TMEM107: variants seen among roughly 807,000 people sequenced by gnomAD.
TMEM107 encodes transmembrane protein 107.
Under a neutral mutation model 16.8 loss-of-function variants are expected in TMEM107, and 18 were observed. That is an observed-to-expected ratio of 1.07 (90% CI 0.74 to 1.59). The LOEUF (loss-of-function observed/expected upper bound fraction) is 1.59, where lower values mean the gene tolerates loss of function less well. TMEM107 is among the 40% of genes most tolerant of loss of function. The pLI, the probability that TMEM107 is intolerant of heterozygous loss-of-function variation, is 0.00. For missense variants in TMEM107, 152 were observed against 175.4 expected (o/e 0.87, Z 0.75); for synonymous variants, 68 against 71.6 (o/e 0.95, Z 0.25).
chr17:8,173,360 C>A lies in TMEM107; in HGVS notation c.*843G>T, dbSNP rs543161631. The A allele has an allele frequency of 3.3e-6, 2 of 614,800 alleles. No individual in the cohort carries two copies. Among genetic ancestry groups the A allele is most frequent in the South Asian group, 2.0e-5 (1 of 50,074 alleles). The allele number at this position is 614,800 out of a possible 1,614,324, so 38.1% of individuals were successfully genotyped here. A position where few individuals can be genotyped will look rare whatever the true frequency, so the allele number is the denominator to read the frequency against. ...AGCAATAGCAAGACTGCAAAATAGA[C>A]AAACAGCAAGGTTATCCCAGTCAGA... is the stretch of plus-strand genomic sequence containing the variant. On this transcript the variant is annotated 3_prime_UTR_variant, in exon 5 of 5. Transcript: ENST00000437139.
rs138702340 is a variant in TMEM107 at position 8,173,437 on chromosome 17, A to C, written c.*766T>G. 7 of 760,296 alleles carry C rather than the reference A, an allele frequency of 9.2e-6. No individual in the cohort carries two copies. In the African/African-American group the frequency reaches 1.0e-4, roughly 11 times the overall value. 47.1% of individuals were successfully genotyped at this position (760,296 alleles called of 1,614,324 possible). A position where few individuals can be genotyped will look rare whatever the true frequency, so the allele number is the denominator to read the frequency against. On this transcript the variant is annotated 3_prime_UTR_variant, in exon 5 of 5. Transcript: ENST00000437139. ...TGCTAATCAGCATAACACAAATGTA[A>C]GTGATCGTCAGAAAGAATCAGACAG...
At position 8,173,854 on chromosome 17, in the gene TMEM107, T is replaced by C. The variant is rs901043293; in HGVS notation, c.*349A>G. 4 of 487,236 alleles carry C rather than the reference T, an allele frequency of 8.2e-6. No individual in the cohort carries two copies. Among genetic ancestry groups the C allele is most frequent in the African/African-American group, 3.9e-5 (2 of 51,180 alleles). The allele number at this position is 487,236 out of a possible 1,614,324, so 30.2% of individuals were successfully genotyped here. ...TATTTACATATCTCCGCCCACTCCC[T>C]TCCGCCAGGCACCTACCGTAGTAAC... On this transcript the variant is annotated 3_prime_UTR_variant, in exon 5 of 5. Transcript: ENST00000437139.
rs561085214 is a variant in TMEM107 at position 8,174,943 on chromosome 17, C to A, written c.257-327G>T. On this transcript the variant is annotated intron_variant, in intron 3 of 4. Transcript: ENST00000437139. ...ACAGCGACTTAATATGCGCTGGAAT[C>A]AGCCTCCAGTGTCCTGGTCCTCCTG... is the stretch of plus-strand genomic sequence containing the variant. The A allele has an allele frequency of 6.7e-5, 20 of 297,266 alleles. No homozygotes were observed. The South Asian group carries it at 8.3e-4, about 12-fold the overall frequency. The allele number at this position is 297,266 out of a possible 1,614,324, so 18.4% of individuals were successfully genotyped here.
chr17:8,175,485 T>C (rs553670158), intron 3 of TMEM107: 4 of 606,588 alleles, frequency 6.6e-6, no homozygotes, highest in East Asian at 2.7e-5. Flanking sequence ...ATTCCTATTA[T>C]TTTTGTAGAC....
Position 8,173,414 on chromosome 17 carries a change from C to G in TMEM107, c.*789G>C, listed in dbSNP as rs184947265. The G allele has an allele frequency of 7.1e-4, 525 of 743,816 alleles. 2 individuals are homozygous for G. The highest frequency in any genetic ancestry group is 5.8e-3 in the African/African-American group (343 of 58,708). 46.1% of individuals were successfully genotyped at this position (743,816 alleles called of 1,614,324 possible). On this transcript the variant is annotated 3_prime_UTR_variant, in exon 5 of 5. Transcript: ENST00000437139. Reference sequence around the variant, plus strand: ...TCATAGCTATGTTTGTGGATATCTGCTAATCAGCATAACACAAATGTAAGT... The same window carrying G: ...TCATAGCTATGTTTGTGGATATCTGGTAATCAGCATAACACAAATGTAAGT...
chr17:8,174,843 C>T, intron 3 of TMEM107: 1 of 546,034 alleles, frequency 1.8e-6, no homozygotes, highest in Non-Finnish European at 3.3e-6. Flanking sequence ...TACCCCTTAT[C>T]TGTGGGCCAG....
In TMEM107 at chr17:8,173,591, A is replaced by T; in HGVS notation, c.*612T>A. On this transcript the variant is annotated 3_prime_UTR_variant, in exon 5 of 5. Transcript: ENST00000437139. ...TAAGGATTATCCCACCTGACGATAC[A>T]GACAAACAGCCGACATTCTGCACTC... 2.6e-6 allele frequency: 2 copies of T among 763,678 alleles called. No individual in the cohort carries two copies. The highest frequency in any genetic ancestry group is 4.8e-6 in the Non-Finnish European group (2 of 416,892). 47.3% of individuals were successfully genotyped at this position (763,678 alleles called of 1,614,324 possible).
chr17:8,174,428 CA>C (rs1983959881), intron 4 of TMEM107, 91 bp downstream of exon 4: 1 of 1,389,672 alleles, frequency 7.2e-7, no homozygotes, highest in Admixed American at 1.7e-5. Flanking sequence ...TCTGGTATCT[CA>C]CACATGGAGG....
In TMEM107 at chr17:8,174,692, C is replaced by T. The variant is rs187008610; in HGVS notation, c.257-76G>A. The T allele has an allele frequency of 1.7e-3, 2,136 of 1,273,678 alleles. 4 individuals carry two copies. Among genetic ancestry groups the T allele is most frequent in the Non-Finnish European group, 2.2e-3 (1,952 of 875,352 alleles). 78.9% of individuals were successfully genotyped at this position (1,273,678 alleles called of 1,614,324 possible). The stretch of plus-strand genomic sequence containing the variant: ...GGGTCAGAAAAGGCCAGTGGTGGGG[C>T]TGGCATCTGCATTCAGGTTCATCCC... On this transcript the variant is annotated intron_variant, in intron 3 of 4. Transcript: ENST00000437139.
rs1176026653 is a variant in TMEM107 at position 8,176,280 on chromosome 17, G to T, written c.7C>A (p.Arg3=). 3 of 1,613,592 alleles carry T rather than the reference G, an allele frequency of 1.9e-6. No homozygotes were observed. The highest frequency in any genetic ancestry group is 1.7e-5 in the Admixed American group (1 of 59,970). Residue 3 remains arginine (R), a synonymous_variant, in exon 1 of 5, where the codon CGG becomes AGG. Transcript: ENST00000437139. The part of the protein sequence containing the change: MG[R]VSGLVPSRFL... ...CGAGAGGGCACAAGCCCTGAGACCC[G>T]GCCCATGGCCCTCGGGGACAAGGGC... is the stretch of plus-strand genomic sequence containing the variant.
rs139357518 is a variant in TMEM107, at chr17:8,173,518, G to C, written c.*685C>G. 7 of 765,268 alleles carry C rather than the reference G, an allele frequency of 9.1e-6. No individual in the cohort carries two copies. The highest frequency in any genetic ancestry group is 1.4e-5 in the Non-Finnish European group (6 of 418,036). 47.4% of individuals were successfully genotyped at this position (765,268 alleles called of 1,614,324 possible). The stretch of plus-strand genomic sequence containing the variant: ...CGCAGAGACGTTAATCACGTTTCAT[G>C]CATCTCCAATCATCATGTTCTAATC... On this transcript the variant is annotated 3_prime_UTR_variant, in exon 5 of 5. Coordinates refer to ENST00000437139, the MANE Select transcript of TMEM107 (RefSeq NM_183065.4).
chr17:8,173,700 G>GT lies in TMEM107; in HGVS notation c.*502dup, dbSNP rs1311034928. On this transcript the variant is annotated 3_prime_UTR_variant, in exon 5 of 5. Coordinates refer to ENST00000437139, the MANE Select transcript of TMEM107 (RefSeq NM_183065.4). ...CCTATTATTTAGCGTCCTTCCAGTT[G>GT]TTTTGCCATATTAGCTCGCACATTT... is the stretch of plus-strand genomic sequence containing the variant. The GT allele has an allele frequency of 1.6e-6, 1 of 608,350 alleles. No homozygotes were observed. Among genetic ancestry groups the GT allele is most frequent in the East Asian group, 2.7e-5 (1 of 37,042 alleles). 37.7% of individuals were successfully genotyped at this position (608,350 alleles called of 1,614,324 possible).
rs559661204 is a variant in TMEM107, at chr17:8,173,311, A to G, written c.*892T>C. On this transcript the variant is annotated 3_prime_UTR_variant, in exon 5 of 5. Coordinates refer to ENST00000437139, the MANE Select transcript of TMEM107 (RefSeq NM_183065.4). The stretch of plus-strand genomic sequence containing the variant: ...ACAATTTTCAAGAACAAACAAATTT[A>G]GCAAGACTGCAAAATAGACAAACAG... 6 of 539,328 alleles carry G rather than the reference A, an allele frequency of 1.1e-5. No homozygotes were observed. Among genetic ancestry groups the G allele is most frequent in the Admixed American group, 3.0e-5 (1 of 33,782 alleles). The allele number at this position is 539,328 out of a possible 1,614,324, so 33.4% of individuals were successfully genotyped here. A position where few individuals can be genotyped will look rare whatever the true frequency, so the allele number is the denominator to read the frequency against.
chr17:8,173,507 T>G lies in TMEM107; in HGVS notation c.*696A>C, dbSNP rs779456932. The G allele has an allele frequency of 1.3e-5, 10 of 765,196 alleles. No homozygotes were observed. Among genetic ancestry groups the G allele is most frequent in the Admixed American group, 6.8e-5 (4 of 58,996 alleles). 47.4% of individuals were successfully genotyped at this position (765,196 alleles called of 1,614,324 possible). A position where few individuals can be genotyped will look rare whatever the true frequency, so the allele number is the denominator to read the frequency against. On this transcript the variant is annotated 3_prime_UTR_variant, in exon 5 of 5. Coordinates refer to ENST00000437139, the MANE Select transcript of TMEM107 (RefSeq NM_183065.4). ...AGTCCTGATTACGCAGAGACGTTAA[T>G]CACGTTTCATGCATCTCCAATCATC...
rs1274622417 is a variant in TMEM107, at chr17:8,174,954, G to C, written c.257-338C>G. ...ATATGCGCTGGAATCAGCCTCCAGT[G>C]TCCTGGTCCTCCTGGTCCACAATTC... On this transcript the variant is annotated intron_variant, in intron 3 of 4. Transcript: ENST00000437139. 7.0e-5 allele frequency: 19 copies of C among 272,984 alleles called. No individual in the cohort carries two copies. The Admixed American group carries it at 9.3e-4, about 13-fold the overall frequency. 16.9% of individuals were successfully genotyped at this position (272,984 alleles called of 1,614,324 possible). A position where few individuals can be genotyped will look rare whatever the true frequency, so the allele number is the denominator to read the frequency against.
chr17:8,176,319 G>A lies in TMEM107; in HGVS notation c.-33C>T, dbSNP rs767813760. 1.9e-6 allele frequency: 3 copies of A among 1,579,948 alleles called. No homozygotes were observed. The highest frequency in any genetic ancestry group is 2.2e-5 in the South Asian group (2 of 90,058). ...GGGGACAAGGGCGGCGGTCTCTGAG[G>A]CTGGAAGTTCAGAGACAGCGACTCC... On this transcript the variant is annotated 5_prime_UTR_variant, in exon 1 of 5. Coordinates refer to ENST00000437139, the MANE Select transcript of TMEM107 (RefSeq NM_183065.4).
chr17:8,174,519 C>G lies in TMEM107; in HGVS notation c.353+1G>C. 6.2e-7 allele frequency: 1 copy of G among 1,614,036 alleles called. No individual in the cohort carries two copies. The highest frequency in any genetic ancestry group is 1.6e-4 in the Middle Eastern group (1 of 6,062). ...TCCCCAAATATTGGATGCTACCACA[C>G]CTGCAGAAGACAAAAATGTACCAAT... On this transcript the variant is annotated splice_donor_variant, in intron 4 of 4. Transcript: ENST00000437139. LOFTEE classifies it high-confidence loss of function.
In TMEM107 at chr17:8,173,370, G is replaced by GAT; in HGVS notation, c.*832_*833insAT. ...AGACTGCAAAATAGACAAACAGCAA[G>GAT]GTTATCCCAGTCAGAACTTCATAGC... On this transcript the variant is annotated 3_prime_UTR_variant, in exon 5 of 5. Transcript: ENST00000437139. 1.5e-6 allele frequency: 1 copy of GAT among 664,294 alleles called. No homozygotes were observed. The highest frequency in any genetic ancestry group is 1.7e-5 in the South Asian group (1 of 59,394). The allele number at this position is 664,294 out of a possible 1,614,324, so 41.1% of individuals were successfully genotyped here. A position where few individuals can be genotyped will look rare whatever the true frequency, so the allele number is the denominator to read the frequency against.
rs1351684103 is a variant in TMEM107 at position 8,174,274 on chromosome 17, T to C, written c.354-2A>G. 2 of 1,613,932 alleles carry C rather than the reference T, an allele frequency of 1.2e-6. No individual in the cohort carries two copies. Among genetic ancestry groups the C allele is most frequent in the Admixed American group, 3.3e-5 (2 of 60,026 alleles). On this transcript the variant is annotated splice_acceptor_variant, in intron 4 of 4. Coordinates refer to ENST00000437139, the MANE Select transcript of TMEM107 (RefSeq NM_183065.4). LOFTEE classifies it high-confidence loss of function. ...ATTTCAGTGACAGCTGGAAGGGCACTACCAAGGCAAGTGGTAGATTCAGAA... is the reference window on the plus strand; with the variant it reads ...ATTTCAGTGACAGCTGGAAGGGCACCACCAAGGCAAGTGGTAGATTCAGAA...
Sources: gnomAD v4.1 joint callset for allele counts on GRCh38, gnomAD v4.1.1 for gene constraint, MANE v1.5 for transcripts, NCBI Gene and HGNC (gene_info 2026-07-23, HGNC 2026-07-21) for gene names.